Variants in NCAPG2 observed in about 807,000 individuals in gnomAD.
The protein encoded by NCAPG2 is non-SMC condensin II complex subunit G2, also known as condensin-2 complex subunit G2.
NCAPG2 carries 53 observed loss-of-function variants against 141.1 expected under a neutral mutation model. The observed-to-expected ratio is 0.38, with a 90% confidence interval of 0.30 to 0.47. The LOEUF is 0.47. NCAPG2 is among the 20% of genes least tolerant of loss of function. NCAPG2 has a pLI of 0.99. For missense variants in NCAPG2, 1,087 were observed against 1,389.0 expected (o/e 0.78, Z 3.46); for synonymous variants, 499 against 490.7 (o/e 1.02, Z -0.22).
At chr7:158,676,630 G>T (rs1166385380) in intron 11 of NCAPG2, among the ~76,000 whole-genome samples, 1 of 152,158 alleles carries the variant, frequency 6.6e-6, no homozygotes, top group East Asian at 1.9e-4. Context: ...AGGGGAAGAA[G>T]AAATCAGATT....
intron 23 of NCAPG2, among the ~76,000 whole-genome samples, chr7:158,651,969 T>C (rs1363119110): frequency 6.6e-6 from 1 of 152,242 alleles, no homozygotes; most frequent in South Asian, 2.1e-4. Context: ...ATCAGTCCTC[T>C]GCTTCCTGTC....
chr7:158,662,511 C>T (rs1056144603), intron 15 of NCAPG2, 144 bp from the exon 16 acceptor site: 11 of 660,538 alleles, frequency 1.7e-5, no homozygotes, highest in African/African-American at 1.5e-4. Context: ...ACTTTAGAAT[C>T]TTCTAGGGAG....
At chr7:158,648,519 T>TAACCACGCCAAATGGACGAC (rs1563504033) in intron 24 of NCAPG2, among the ~76,000 whole-genome samples, 3 of 105,398 alleles carry the variant, frequency 2.8e-5, no homozygotes, top group Admixed American at 2.8e-4. Context: ...GAATGGACTA[T>TAACCACGCCAAATGGACGAC]AACCACGCCA....
At chr7:158,668,128 CTCCTTACCTACCCTCTG>C (rs1833327821) in intron 13 of NCAPG2, 2 of 106,034 alleles carry the variant, frequency 1.9e-5, no homozygotes, top group African/African-American at 4.2e-5. Flanking sequence ...TCCCTCCGCC[CTCCTTACCTACCCTCTG>C]GCCCTCCACC....
chr7:158,684,902 A>G (rs1310881276), intron 8 of NCAPG2, among the ~76,000 whole-genome samples: 3 of 152,178 alleles, frequency 2.0e-5, no homozygotes, highest in Non-Finnish European at 4.4e-5. Context: ...ATACAAATCA[A>G]GTGTAAGTTG....
intron 11 of NCAPG2, among the ~76,000 whole-genome samples, chr7:158,676,976 C>T (rs1834088861): frequency 6.6e-6 from 1 of 152,054 alleles, no homozygotes; most frequent in African/African-American, 2.4e-5. Context: ...GCTCTAAAGA[C>T]AGGAGGCTGT....
At chr7:158,680,224 T>C in intron 10 of NCAPG2, 139 bp from the exon 11 acceptor site, 2 of 1,018,682 alleles carry the variant, frequency 2.0e-6, no homozygotes, top group South Asian at 1.7e-5. Context: ...AACGTTTAAA[T>C]TGACCAAACA....
At chr7:158,683,560 A>T (rs1459744844) in intron 8 of NCAPG2, among the ~76,000 whole-genome samples, 174 bp from the exon 9 acceptor site, 1 of 152,244 alleles carries the variant, frequency 6.6e-6, no homozygotes, top group Non-Finnish European at 1.5e-5. Context: ...TGCTTCTTAG[A>T]ATCCCTTTGG....
chr7:158,672,303 TATATATATATATATATATATATATA>T, intron 12 of NCAPG2, among the ~76,000 whole-genome samples: 13 of 17,644 alleles, frequency 7.4e-4, no homozygotes, highest in African/African-American at 2.7e-3. Flanking sequence ...TATATATATA[TATATATATATATATATATATATATA>T]TTTTTTTTTT....
chr7:158,657,549 C>T (rs1387110913), intron 17 of NCAPG2, among the ~76,000 whole-genome samples: 8 of 152,218 alleles, frequency 5.3e-5, no homozygotes, highest in East Asian at 3.9e-4. Flanking sequence ...GCCCCCCACC[C>T]GGCCAGCCGC....
Position 158,687,441 on chromosome 7 carries a change from C to A in NCAPG2, c.674G>T (p.Gly225Val). ...ININYIKKEEGRRFLSCLFNW... is the reference protein window; with the variant it reads ...ININYIKKEEVRRFLSCLFNW... ...GAAGAGACAACTAAGAAATCTTCTTCCCTAGAAATAAAAAAGGATAGAATG... is the reference window on the plus strand; with the variant it reads ...GAAGAGACAACTAAGAAATCTTCTTACCTAGAAATAAAAAAGGATAGAATG... Residue 225 changes from glycine to valine, a missense_variant and splice_region_variant, in exon 7 of 28, where the codon GGA becomes GTA. Gly to Val is a moderately radical substitution (Grantham distance 109). Transcript: ENST00000356309. 6.3e-7 allele frequency: 1 copy of A among 1,590,990 alleles called. No homozygotes were observed. Among genetic ancestry groups the A allele is most frequent in the Non-Finnish European group, 8.6e-7 (1 of 1,167,430 alleles).
chr7:158,634,340 T>C (rs1830054888), intron 27 of NCAPG2, among the ~76,000 whole-genome samples: 2 of 152,218 alleles, frequency 1.3e-5, no homozygotes, highest in Admixed American at 1.3e-4. Flanking sequence ...GTCTATATAC[T>C]ATATCGTCTA....
At chr7:158,676,182 G>A (rs1281103582) in intron 11 of NCAPG2, among the ~76,000 whole-genome samples, 2 of 152,008 alleles carry the variant, frequency 1.3e-5, no homozygotes, top group Non-Finnish European at 2.9e-5. Flanking sequence ...TACATGAATC[G>A]GATCAACTCT....
At chr7:158,645,430 A>T (rs1232567353) in intron 26 of NCAPG2, 89 bp downstream of exon 26, 6 of 1,160,426 alleles carry the variant, frequency 5.2e-6, no homozygotes, top group African/African-American at 1.5e-5. Flanking sequence ...AGGAGTAGCC[A>T]AGTGCAGGGG....
At chr7:158,639,884 C>G (rs1223663165) in intron 27 of NCAPG2, 9 of 973,064 alleles carry the variant, frequency 9.2e-6, no homozygotes, top group Non-Finnish European at 1.1e-5. Context: ...TTCAAAAATG[C>G]AGCTGTTTTG....
At chr7:158,659,901 G>A (rs1832342082) in intron 16 of NCAPG2, among the ~76,000 whole-genome samples, 1 of 152,026 alleles carries the variant, frequency 6.6e-6, no homozygotes, top group Admixed American at 6.6e-5. Flanking sequence ...CATGAGGTCA[G>A]GAGATCGAGA....
At chr7:158,679,913 G>A (rs1563559949) in intron 11 of NCAPG2, 47 bp downstream of exon 11, 2 of 1,605,200 alleles carry the variant, frequency 1.2e-6, no homozygotes, top group East Asian at 2.2e-5. Context: ...GCCACAGCCT[G>A]GACAAAGCTG....
chr7:158,667,235 C>T, intron 13 of NCAPG2: 2 of 985,074 alleles, frequency 2.0e-6, no homozygotes, highest in South Asian at 4.7e-5. Context: ...CTCTGGCGCC[C>T]AAACTTCCTG....
At chr7:158,680,638 T>C (rs73165341) in intron 10 of NCAPG2, 83 bp downstream of exon 10, 17,076 of 849,196 alleles carry the variant, frequency 0.02, 242 homozygotes, top group South Asian at 0.041. Flanking sequence ...TACTATTTTA[T>C]TGTAATTTGG....
Sources: allele counts gnomAD v4.1 joint callset (sites outside exome capture counted in the v4.1 genomes callset), GRCh38; gene constraint gnomAD v4.1.1; transcripts MANE v1.5; gene names NCBI Gene and HGNC (gene_info 2026-07-23, HGNC 2026-07-21).